The following FOXN3 variants were observed in gnomAD, a reference collection of about 807,000 sequenced individuals.
The protein encoded by FOXN3 is forkhead box protein N3.
Under a neutral mutation model 38.4 loss-of-function variants are expected in FOXN3, and 7 were observed. That is an observed-to-expected ratio of 0.18 (90% CI 0.10 to 0.34). The LOEUF (loss-of-function observed/expected upper bound fraction) is 0.34. FOXN3 is among the 10% of genes least tolerant of loss of function. The pLI is 1.00. For synonymous variants in FOXN3, 230 were observed against 242.2 expected, an observed-to-expected ratio of 0.95 and a Z score of 0.47; for missense variants, 456 against 613.4, an observed-to-expected ratio of 0.74 and a Z score of 2.71.
chr14:89,360,774 TCCACCACCACCTCCA>T (rs1414308916), intron 2 of FOXN3, among the ~76,000 whole-genome samples: 1,697 of 34,534 alleles, frequency 0.049, 32 homozygotes, highest in Admixed American at 0.091. Flanking sequence ...CACTACCACC[TCCACCACCACCTCCA>T]CCACCACCAC....
intron 4 of FOXN3, chr14:89,230,783 T>C (rs1566934613): frequency 2.3e-6 from 1 of 435,056 alleles, no homozygotes; most frequent in Non-Finnish European, 4.7e-6. Context: ...TCTTGGATAG[T>C]AGAGGTCACA....
At chr14:89,166,773 C>T (rs1030550393) in intron 5 of FOXN3, among the ~76,000 whole-genome samples, 6 of 152,174 alleles carry the variant, frequency 3.9e-5, no homozygotes, top group Non-Finnish European at 8.8e-5. Context: ...AAGTTACACA[C>T]AAAACTCAGC....
rs574760339 is a variant in FOXN3, at chr14:89,320,990, G to C, written c.680+29682C>G. Among the ~76,000 whole-genome samples, 253 of 152,180 alleles carry C rather than the reference G, an allele frequency of 1.7e-3. 1 individual carries two copies. Among genetic ancestry groups the C allele is most frequent in the African/African-American group, 5.8e-3 (242 of 41,542 alleles). ...GAAAGGAACCTTCTTCTTGGGGTTT[G>C]AAATTTTAAAAAATTGGCCAGGCAT... is the stretch of plus-strand genomic sequence containing the variant. On this transcript the variant is annotated intron_variant, in intron 3 of 5. Coordinates refer to ENST00000557258, the MANE Select transcript of FOXN3 (RefSeq NM_005197.4).
intron 2 of FOXN3, among the ~76,000 whole-genome samples, chr14:89,352,395 A>G (rs778788514): frequency 4.6e-5 from 7 of 152,198 alleles, no homozygotes; most frequent in Non-Finnish European, 8.8e-5. Context: ...TTTGGAAAAG[A>G]GCTGTGCAGA....
chr14:89,399,771 C>T (rs1400982091), intron 2 of FOXN3, among the ~76,000 whole-genome samples: 2 of 152,178 alleles, frequency 1.3e-5, no homozygotes, highest in Non-Finnish European at 2.9e-5. Context: ...GTGTGCGGCT[C>T]TACATTACAG....
intron 3 of FOXN3, among the ~76,000 whole-genome samples, chr14:89,306,477 C>A (rs1887380505): frequency 6.6e-6 from 1 of 152,164 alleles, no homozygotes; most frequent in South Asian, 2.1e-4. Context: ...ACGCTATTCT[C>A]CTGCCTCAGC....
chr14:89,573,635 A>G (rs1204334893), intron 1 of FOXN3, among the ~76,000 whole-genome samples: 1 of 152,142 alleles, frequency 6.6e-6, no homozygotes, highest in Admixed American at 6.5e-5. Context: ...TGCACTGGAA[A>G]AGAAAGTTTG....
At chr14:89,178,258 G>A (rs1027430402) in intron 5 of FOXN3, among the ~76,000 whole-genome samples, 1 of 151,376 alleles carries the variant, frequency 6.6e-6, no homozygotes, top group African/African-American at 2.4e-5. Flanking sequence ...TGATCCACCC[G>A]CCGGAGCCTC....
chr14:89,269,690 A>C (rs1886089551), intron 4 of FOXN3, among the ~76,000 whole-genome samples: 1 of 152,028 alleles, frequency 6.6e-6, no homozygotes, highest in Non-Finnish European at 1.5e-5. Flanking sequence ...CAAGTGCCGG[A>C]GAGGTGGCCT....
At chr14:89,534,409 T>C (rs1284260144) in intron 1 of FOXN3, among the ~76,000 whole-genome samples, 1 of 152,142 alleles carries the variant, frequency 6.6e-6, no homozygotes, top group East Asian at 1.9e-4. Context: ...GCCCTGTGTA[T>C]TCTTTTTGAT....
intron 2 of FOXN3, among the ~76,000 whole-genome samples, chr14:89,355,656 A>G (rs1372939753): frequency 6.6e-6 from 1 of 152,248 alleles, no homozygotes; most frequent in Admixed American, 6.5e-5. Context: ...ACTAGAACCA[A>G]ATAGAATGGA....
At position 89,506,081 on chromosome 14, in the gene FOXN3, G is replaced by GC. The variant is rs1487060647; in HGVS notation, c.-14-93592dup. On this transcript the variant is annotated intron_variant, in intron 1 of 6. Coordinates refer to the FOXN3 transcript ENST00000345097. ...GTCCAGAAGGGAGGTGGGGGGGTCA[G>GC]CCCCCCGCCCGGCCAGCCGCCCCGT... Among the ~76,000 whole-genome samples the GC allele has an allele frequency of 2.1e-5, 3 of 143,536 alleles. No individual in the cohort carries two copies. In the South Asian group the frequency reaches 6.7e-4, roughly 32 times the overall value. 94.2% of individuals were successfully genotyped at this position (143,536 alleles called of 152,430 possible). A position where few individuals can be genotyped will look rare whatever the true frequency, so the allele number is the denominator to read the frequency against.
chr14:89,430,270 G>C (rs12589021), intron 1 of FOXN3, among the ~76,000 whole-genome samples: 59,475 of 152,046 alleles, frequency 0.39, 14,685 homozygotes, highest in Admixed American at 0.54. Context: ...ATTTCCTTTG[G>C]TTCTGGTGGA....
intron 4 of FOXN3, among the ~76,000 whole-genome samples, chr14:89,243,365 T>C (rs1885195575): frequency 1.3e-5 from 2 of 152,244 alleles, no homozygotes; most frequent in Non-Finnish European, 2.9e-5. Flanking sequence ...TTTTTAATGT[T>C]CTTTTTAAAG....
chr14:89,205,117 T>C (rs1021659633), intron 4 of FOXN3, among the ~76,000 whole-genome samples: 1 of 152,098 alleles, frequency 6.6e-6, no homozygotes, highest in Non-Finnish European at 1.5e-5. Flanking sequence ...GGAGTCTACT[T>C]TGAAAGATGC....
intron 5 of FOXN3, among the ~76,000 whole-genome samples, chr14:89,179,165 C>A (rs1887600234): frequency 6.6e-6 from 1 of 152,154 alleles, no homozygotes; most frequent in South Asian, 2.1e-4. Flanking sequence ...AAAACCTTTC[C>A]ATGTATTTTT....
At chr14:89,507,122 T>A (rs371372320) in intron 1 of FOXN3, among the ~76,000 whole-genome samples, 453 of 123,788 alleles carry the variant, frequency 3.7e-3, no homozygotes, top group African/African-American at 5.9e-3. Context: ...GAATGATCAA[T>A]AAAAAAAAAA....
At chr14:89,325,214 G>GCACCACCAC (rs756831446) in intron 3 of FOXN3, among the ~76,000 whole-genome samples, 72,885 of 139,838 alleles carry the variant, frequency 0.52, 19,463 homozygotes, top group African/African-American at 0.57. Context: ...CAACACACAT[G>GCACCACCAC]CACCACCACC....
At chr14:89,558,546 A>G (rs1403275366) in intron 1 of FOXN3, among the ~76,000 whole-genome samples, 1 of 152,228 alleles carries the variant, frequency 6.6e-6, no homozygotes, top group African/African-American at 2.4e-5. Flanking sequence ...AAAACAAGGT[A>G]GGAACCTGGT....
Sources: gnomAD v4.1 joint callset for allele counts (sites outside exome capture counted in the v4.1 genomes callset) on GRCh38, gnomAD v4.1.1 for gene constraint, MANE v1.5 for transcripts, NCBI Gene and HGNC (gene_info 2026-07-23, HGNC 2026-07-21) for gene names.